The following MGAT5 variants were observed in gnomAD, a reference collection of about 807,000 sequenced individuals.
The protein encoded by MGAT5 is alpha-1,6-mannosylglycoprotein 6-beta-N-acetylglucosaminyltransferase A.
MGAT5 carries 30 observed loss-of-function variants against 94.3 expected under a neutral mutation model. The observed-to-expected ratio is 0.32, with a 90% CI of 0.24 to 0.43. The LOEUF is 0.43. Ranked by LOEUF, MGAT5 falls within the 20% of genes least tolerant of loss-of-function variation. The probability of loss-of-function intolerance (pLI) is 1.00; values close to 1 mark genes in which losing one functional copy is unlikely to be tolerated. For missense variants in MGAT5, 691 were observed against 905.5 expected (o/e 0.76, Z 3.04); for synonymous variants, 310 against 322.9 (o/e 0.96, Z 0.43).
intron 7 of MGAT5, among the ~76,000 whole-genome samples, chr2:134,343,765 C>T (rs919691015): frequency 6.6e-6 from 1 of 152,180 alleles, no homozygotes; most frequent in African/African-American, 2.4e-5. Flanking sequence ...AATCAGCCCT[C>T]TGTCTTTTTT....
chr2:134,121,312 G>T (rs1432809798), intron 1 of MGAT5, among the ~76,000 whole-genome samples: 2 of 152,258 alleles, frequency 1.3e-5, no homozygotes, highest in East Asian at 3.9e-4. Context: ...GCGCCCGCTT[G>T]GTGCCCGGAC....
chr2:134,156,964 T>C (rs1007031387), intron 1 of MGAT5, among the ~76,000 whole-genome samples: 1 of 152,178 alleles, frequency 6.6e-6, no homozygotes, highest in Admixed American at 6.5e-5. Flanking sequence ...TTGGGAATGA[T>C]GATATCTAGG....
intron 2 of MGAT5, among the ~76,000 whole-genome samples, chr2:134,316,901 C>G (rs747024294): frequency 7.2e-5 from 11 of 152,098 alleles, no homozygotes; most frequent in Non-Finnish European, 1.5e-4. Flanking sequence ...TTCAAGCTAG[C>G]TAATATAAAA....
chr2:134,208,587 A>G (rs1438494239), intron 1 of MGAT5, among the ~76,000 whole-genome samples: 1 of 152,240 alleles, frequency 6.6e-6, no homozygotes, highest in Non-Finnish European at 1.5e-5. Flanking sequence ...AAAAACATGC[A>G]TTTATTTACT....
At chr2:134,436,219 A>G (rs1400856051) in intron 14 of MGAT5, among the ~76,000 whole-genome samples, 2 of 152,176 alleles carry the variant, frequency 1.3e-5, no homozygotes, top group African/African-American at 4.8e-5. Context: ...GACATCTATG[A>G]AGTCCCACAG....
At chr2:134,290,567 T>TC (rs1410716654) in intron 2 of MGAT5, among the ~76,000 whole-genome samples, 1 of 152,240 alleles carries the variant, frequency 6.6e-6, no homozygotes, top group African/African-American at 2.4e-5. Context: ...CTAAAACCTC[T>TC]CCAGATCATC....
chr2:134,218,298 T>C (rs1254936911), intron 1 of MGAT5, among the ~76,000 whole-genome samples: 1 of 152,274 alleles, frequency 6.6e-6, no homozygotes, highest in East Asian at 1.9e-4. Context: ...AACTTCACTA[T>C]CATAAATTAG....
chr2:134,225,077 C>CA (rs1167660901), intron 1 of MGAT5, among the ~76,000 whole-genome samples: 4,814 of 67,872 alleles, frequency 0.071, 100 homozygotes, highest in Middle Eastern at 0.083. Context: ...CCCTGTCTCA[C>CA]AAAAAAAAAA....
intron 2 of MGAT5, among the ~76,000 whole-genome samples, chr2:134,311,766 A>G (rs1006009856): frequency 6.6e-6 from 1 of 152,168 alleles, no homozygotes; most frequent in Non-Finnish European, 1.5e-5. Flanking sequence ...TGTTTGTAGT[A>G]AGTGAATGTT....
intron 1 of MGAT5, among the ~76,000 whole-genome samples, chr2:134,131,120 C>G (rs1686139857): frequency 6.6e-6 from 1 of 152,230 alleles, no homozygotes; most frequent in African/African-American, 2.4e-5. Flanking sequence ...GTAACACTCA[C>G]TGGGAAGGTC....
intron 1 of MGAT5, among the ~76,000 whole-genome samples, chr2:134,131,886 G>A (rs571422432): frequency 1.3e-5 from 2 of 152,308 alleles, no homozygotes; most frequent in South Asian, 4.1e-4. Flanking sequence ...CCCAGTGGAG[G>A]GGGCCAGGTT....
intron 2 of MGAT5, among the ~76,000 whole-genome samples, chr2:134,291,353 T>C (rs773823504): frequency 2.6e-5 from 4 of 152,196 alleles, no homozygotes; most frequent in Non-Finnish European, 5.9e-5. Context: ...AAGGAGAAGA[T>C]AGCTATTAGC....
chr2:134,448,542 C>A, intron 15 of MGAT5, 107 bp from the exon 16 acceptor site: 2 of 1,013,502 alleles, frequency 2.0e-6, no homozygotes, highest in Non-Finnish European at 1.6e-6. Flanking sequence ...TAGGACAAGA[C>A]AACTGAACAT....
intron 10 of MGAT5, among the ~76,000 whole-genome samples, chr2:134,401,991 CT>C (rs1464172835): frequency 6.6e-6 from 1 of 152,244 alleles, no homozygotes; most frequent in Non-Finnish European, 1.5e-5. Flanking sequence ...TACCACACCC[CT>C]GTGTCCCTTG....
intron 1 of MGAT5, among the ~76,000 whole-genome samples, chr2:134,121,813 T>C (rs1685605676): frequency 6.6e-6 from 1 of 152,212 alleles, no homozygotes; most frequent in Non-Finnish European, 1.5e-5. Flanking sequence ...CCCAGTTTAT[T>C]GTCAGGACCT....
At chr2:134,247,359 T>TAAAAAAAAA (rs34029606) in intron 1 of MGAT5, among the ~76,000 whole-genome samples, 3 of 91,472 alleles carry the variant, frequency 3.3e-5, no homozygotes, top group Non-Finnish European at 4.4e-5. Context: ...GGGCCTGAAT[T>TAAAAAAAAA]AAAAAAAAAA....
At chr2:134,400,511 C>A (rs147543986) in intron 10 of MGAT5, among the ~76,000 whole-genome samples, 1 of 152,124 alleles carries the variant, frequency 6.6e-6, no homozygotes, top group African/African-American at 2.4e-5. Flanking sequence ...GAACTTGCCC[C>A]CTTGTTATAC....
intron 1 of MGAT5, among the ~76,000 whole-genome samples, chr2:134,244,749 C>T (rs141901899): frequency 1.8e-4 from 28 of 152,184 alleles, no homozygotes; most frequent in African/African-American, 6.7e-4. Flanking sequence ...TAAGGCAGTC[C>T]CTCTCAACCG....
intron 1 of MGAT5, among the ~76,000 whole-genome samples, chr2:134,173,918 ATCCTGAAGGT>A (rs1218462056): frequency 6.6e-6 from 1 of 152,246 alleles, no homozygotes; most frequent in African/African-American, 2.4e-5. Flanking sequence ...TAGTTGGATC[ATCCTGAAGGT>A]GGTGAAGTGG....
Sources: gnomAD v4.1 joint callset for allele counts (sites outside exome capture counted in the v4.1 genomes callset) on GRCh38, gnomAD v4.1.1 for gene constraint, MANE v1.5 for transcripts, NCBI Gene and HGNC (gene_info 2026-07-23, HGNC 2026-07-21) for gene names.